Variants in XPR1 observed in about 807,000 individuals in gnomAD.
XPR1 encodes the protein xenotropic and polytropic retrovirus receptor 1, also known as solute carrier family 53 member 1.
In XPR1, 28 loss-of-function variants were observed where a neutral mutation model predicts 87.5. That is an observed-to-expected ratio of 0.32 (90% CI 0.24 to 0.44). The LOEUF (loss-of-function observed/expected upper bound fraction) is 0.44. Among genes scored for constraint, XPR1 ranks in the 20% least tolerant of loss-of-function variants. XPR1 has a pLI of 1.00. For missense variants in XPR1, 559 were observed against 862.3 expected, an observed-to-expected ratio of 0.65 and a Z score of 4.41; for synonymous variants, 300 against 306.1, an observed-to-expected ratio of 0.98 and a Z score of 0.21.
intron 5 of XPR1, 94 bp from the exon 6 acceptor site, chr1:180,806,380 G>T (rs1029969684): frequency 6.8e-7 from 1 of 1,478,944 alleles, no homozygotes; most frequent in Non-Finnish European, 9.2e-7. Flanking sequence ...CCAAAAAGTT[G>T]TCAGAATATA....
chr1:180,757,869 TAAAAA>T (rs35162664), intron 2 of XPR1, among the ~76,000 whole-genome samples: 102 of 40,076 alleles, frequency 2.5e-3, no homozygotes, highest in African/African-American at 9.5e-3. Flanking sequence ...GTTGAAAATG[TAAAAA>T]AAAAAAAAAA....
At chr1:180,781,842 C>A (rs1279744544) in intron 2 of XPR1, among the ~76,000 whole-genome samples, 2 of 151,956 alleles carry the variant, frequency 1.3e-5, no homozygotes, top group African/African-American at 4.8e-5. Flanking sequence ...GATGCCCAGG[C>A]TGGAGTGCGG....
intron 1 of XPR1, among the ~76,000 whole-genome samples, chr1:180,655,698 C>G (rs1476321070): frequency 6.6e-6 from 1 of 151,788 alleles, no homozygotes; most frequent in Admixed American, 6.6e-5. Flanking sequence ...CCTGTGCTTT[C>G]TTTTTAGAGT....
At chr1:180,727,077 A>G (rs949835257) in intron 2 of XPR1, among the ~76,000 whole-genome samples, 32 of 152,090 alleles carry the variant, frequency 2.1e-4, no homozygotes, top group East Asian at 7.8e-4. Context: ...GGGTTTCACC[A>G]TGGTCTCTAT....
intron 2 of XPR1, among the ~76,000 whole-genome samples, chr1:180,686,690 A>G (rs1021036514): frequency 5.9e-5 from 9 of 152,186 alleles, no homozygotes; most frequent in Admixed American, 1.3e-4. Context: ...TCTAAGTTGG[A>G]TGTACAGAAT....
rs550586565 is a variant in XPR1, at chr1:180,772,343, G to A, written c.122-15410G>A. Reference sequence around the variant, plus strand: ...TGACCCAGCCCTGGAAATCAACTTCGTCTCCTAAGACCCCTGACTCCTTTT... The same window carrying A: ...TGACCCAGCCCTGGAAATCAACTTCATCTCCTAAGACCCCTGACTCCTTTT... On this transcript the variant is annotated intron_variant, in intron 2 of 14. Transcript: ENST00000367590. Among the ~76,000 whole-genome samples, 288 of 152,100 alleles carry A rather than the reference G, an allele frequency of 1.9e-3. 1 individual carries two copies. The highest frequency in any genetic ancestry group is 5.8e-3 in the African/African-American group (242 of 41,496).
At chr1:180,659,436 CTT>C (rs1223733179) in intron 1 of XPR1, among the ~76,000 whole-genome samples, 1 of 113,274 alleles carries the variant, frequency 8.8e-6, no homozygotes, top group African/African-American at 3.6e-5. Flanking sequence ...TCCTTCCTTC[CTT>C]CTTCCCTCCT....
At chr1:180,690,028 T>C (rs1052768000) in intron 2 of XPR1, among the ~76,000 whole-genome samples, 6 of 151,964 alleles carry the variant, frequency 3.9e-5, no homozygotes, top group Non-Finnish European at 8.8e-5. Flanking sequence ...TGGTGGCGCA[T>C]GCCTGTAAAC....
At chr1:180,766,742 A>G (rs1310151813) in intron 2 of XPR1, among the ~76,000 whole-genome samples, 1 of 152,168 alleles carries the variant, frequency 6.6e-6, no homozygotes, top group Non-Finnish European at 1.5e-5. Context: ...AAAATCAACA[A>G]TAAGTACATT....
intron 11 of XPR1, among the ~76,000 whole-genome samples, chr1:180,843,708 AAAAG>A (rs1233298983): frequency 6.6e-6 from 1 of 151,972 alleles, no homozygotes; most frequent in Non-Finnish European, 1.5e-5. Flanking sequence ...AAAAAAAAAA[AAAAG>A]AACACATATG....
chr1:180,670,164 AT>A (rs1656116649), intron 1 of XPR1, among the ~76,000 whole-genome samples: 1 of 152,142 alleles, frequency 6.6e-6, no homozygotes, highest in African/African-American at 2.4e-5. Context: ...TAGTTGAATC[AT>A]GTATTTTTTA....
intron 6 of XPR1, among the ~76,000 whole-genome samples, chr1:180,808,393 A>G (rs568227059): frequency 2.6e-5 from 4 of 152,126 alleles, no homozygotes; most frequent in South Asian, 4.1e-4. Context: ...AGAAGAAAAT[A>G]TAGAAGAAAG....
chr1:180,732,260 A>C (rs1474669506), intron 2 of XPR1, among the ~76,000 whole-genome samples: 1 of 151,866 alleles, frequency 6.6e-6, no homozygotes, highest in Non-Finnish European at 1.5e-5. Context: ...TCAATACATC[A>C]AGTAAAAATA....
chr1:180,656,792 A>C (rs1655548722), intron 1 of XPR1, among the ~76,000 whole-genome samples: 1 of 148,022 alleles, frequency 6.8e-6, no homozygotes, highest in Non-Finnish European at 1.5e-5. Context: ...ACAGTGCTGC[A>C]ACAAATGTGG....
At chr1:180,719,841 A>G (rs1658120028) in intron 2 of XPR1, among the ~76,000 whole-genome samples, 1 of 152,200 alleles carries the variant, frequency 6.6e-6, no homozygotes, top group African/African-American at 2.4e-5. Flanking sequence ...ATTTCATCTC[A>G]TTTTAAGTTA....
chr1:180,717,872 T>C (rs1226245879), intron 2 of XPR1, among the ~76,000 whole-genome samples: 1 of 152,136 alleles, frequency 6.6e-6, no homozygotes, highest in African/African-American at 2.4e-5. Flanking sequence ...ACAAAAGTAA[T>C]TGTGTTTTTT....
chr1:180,635,570 A>T (rs1654733624), intron 1 of XPR1, among the ~76,000 whole-genome samples: 1 of 152,126 alleles, frequency 6.6e-6, no homozygotes, highest in African/African-American at 2.4e-5. Flanking sequence ...TTGTTTTGTA[A>T]TAAAATAACA....
In XPR1 at chr1:180,817,101, A is replaced by T. The variant is rs554489401; in HGVS notation, c.763+5613A>T. 2.9e-3 allele frequency among the ~76,000 whole-genome samples: 441 copies of T among 152,302 alleles called. 2 individuals carry two copies. The highest frequency in any genetic ancestry group is 7.7e-3 in the South Asian group (37 of 4,828). On this transcript the variant is annotated intron_variant, in intron 7 of 14. Transcript: ENST00000367590. Reference sequence around the variant, plus strand: ...TTAAGAAGGTTTAAAAAGTAAAAATAAAAATTAAAAAATGTAAAAATAGAA... The same window carrying T: ...TTAAGAAGGTTTAAAAAGTAAAAATTAAAATTAAAAAATGTAAAAATAGAA...
chr1:180,746,210 T>A (rs1647242653), intron 2 of XPR1, among the ~76,000 whole-genome samples: 1 of 152,186 alleles, frequency 6.6e-6, no homozygotes, highest in Non-Finnish European at 1.5e-5. Flanking sequence ...TGTTAAGAAA[T>A]CCCTGTCACC....
Sources: gnomAD v4.1 joint callset for allele counts (sites outside exome capture counted in the v4.1 genomes callset) on GRCh38, gnomAD v4.1.1 for gene constraint, MANE v1.5 for transcripts, NCBI Gene and HGNC (gene_info 2026-07-23, HGNC 2026-07-21) for gene names.